Variants in KSR2 observed in about 807,000 individuals in gnomAD.
KSR2 encodes the protein kinase suppressor of ras 2.
KSR2 carries 25 observed loss-of-function variants against 107.8 expected under a neutral mutation model. The ratio of observed to expected loss-of-function variants is 0.23; its 90% CI spans 0.17 to 0.32. KSR2 has a LOEUF of 0.32. Ranked by LOEUF, KSR2 falls within the 10% of genes least tolerant of loss-of-function variation. The probability of loss-of-function intolerance (pLI) is 1.00; values close to 1 mark genes in which losing one functional copy is unlikely to be tolerated. For synonymous variants in KSR2, 480 were observed against 507.0 expected (o/e 0.95, Z 0.71); for missense variants, 887 against 1,268.9 (o/e 0.70, Z 4.57).
rs754095633 is a variant in KSR2, at chr12:117,479,536, G to A, written c.2451-2941C>T. On this transcript the variant is annotated intron_variant, in intron 16 of 19. Transcript: ENST00000339824. ...CCCTGGCCTCTACTCATTACAGGCC[G>A]TTAGCACCCCCCTCCCCCTAATCAT... 5.3e-5 allele frequency among the ~76,000 whole-genome samples: 8 copies of A among 152,130 alleles called. No individual in the cohort carries two copies. In the South Asian group the frequency reaches 6.2e-4, roughly 12 times the overall value.
At chr12:117,482,570 T>C (rs1373242068) in intron 16 of KSR2, among the ~76,000 whole-genome samples, 2 of 152,154 alleles carry the variant, frequency 1.3e-5, no homozygotes, top group Non-Finnish European at 2.9e-5. Flanking sequence ...GAGGGGCTGC[T>C]CTCTGGACAA....
chr12:117,553,140 A>C (rs1325636494), intron 9 of KSR2, among the ~76,000 whole-genome samples: 1 of 152,258 alleles, frequency 6.6e-6, no homozygotes, highest in Non-Finnish European at 1.5e-5. Context: ...TAATAAGCAA[A>C]GGAAGCCCTG....
intron 4 of KSR2, among the ~76,000 whole-genome samples, chr12:117,670,040 G>A (rs562226428): frequency 4.6e-5 from 7 of 152,040 alleles, no homozygotes; most frequent in Middle Eastern, 6.8e-3. Context: ...ATTAGGAGGC[G>A]AAATTATTCC....
intron 7 of KSR2, among the ~76,000 whole-genome samples, chr12:117,572,668 A>G (rs571615833): frequency 3.3e-5 from 5 of 150,924 alleles, no homozygotes; most frequent in African/African-American, 9.7e-5. Context: ...GTTTTGGAAG[A>G]TGTTCCCCTC....
intron 10 of KSR2, chr12:117,539,473 A>C: frequency 2.2e-6 from 1 of 451,082 alleles, no homozygotes; most frequent in Non-Finnish European, 3.8e-6. Flanking sequence ...CTGTTTCTTC[A>C]TCTGTAAAAT....
chr12:117,499,163 A>G (rs1044228415), intron 14 of KSR2, among the ~76,000 whole-genome samples: 1 of 152,234 alleles, frequency 6.6e-6, no homozygotes, highest in East Asian at 1.9e-4. Flanking sequence ...TTGACTCACC[A>G]GAACCACACT....
intron 10 of KSR2, among the ~76,000 whole-genome samples, chr12:117,532,119 T>C (rs2084551084): frequency 1.3e-5 from 2 of 152,240 alleles, no homozygotes; most frequent in African/African-American, 4.8e-5. Flanking sequence ...ACTTTCCTAA[T>C]TTTCTGCAAC....
intron 4 of KSR2, among the ~76,000 whole-genome samples, chr12:117,674,796 CTCT>C (rs2136512182): frequency 6.6e-6 from 1 of 152,338 alleles, no homozygotes; most frequent in African/African-American, 2.4e-5. Flanking sequence ...CATGTCACTC[CTCT>C]TCTTAAAACC....
At chr12:117,493,622 G>C (rs1202655928) in intron 14 of KSR2, among the ~76,000 whole-genome samples, 1 of 152,156 alleles carries the variant, frequency 6.6e-6, no homozygotes, top group Non-Finnish European at 1.5e-5. Context: ...GGTTGTAATT[G>C]AACAGGTGTT....
At chr12:117,511,423 A>C (rs1283327018) in intron 14 of KSR2, among the ~76,000 whole-genome samples, 2 of 126,962 alleles carry the variant, frequency 1.6e-5, no homozygotes, top group Non-Finnish European at 3.7e-5. Flanking sequence ...AAGAATAACC[A>C]AACAAAGATT....
intron 4 of KSR2, among the ~76,000 whole-genome samples, chr12:117,723,092 A>T (rs745943971): frequency 1.3e-4 from 20 of 152,152 alleles, no homozygotes; most frequent in Non-Finnish European, 2.6e-4. Flanking sequence ...AGGGGAGGTT[A>T]TCAGGATGAC....
rs1894900342 is a variant in KSR2, at chr12:117,907,770, T to G, written c.181-47339A>C. Among the ~76,000 whole-genome samples the G allele has an allele frequency of 6.6e-6, 1 of 152,168 alleles. No individual in the cohort carries two copies. Among genetic ancestry groups the G allele is most frequent in the Non-Finnish European group, 1.5e-5 (1 of 68,030 alleles). On this transcript the variant is annotated intron_variant, in intron 1 of 19. Coordinates refer to ENST00000339824, the MANE Select transcript of KSR2 (RefSeq NM_173598.6). This position sits in a 1 kb window ranked among gnomAD's most constrained non-coding sequence, Gnocchi z 4.3. ...GGGGCAATTGTAACCACGTCAATTT[T>G]TTTAGGTTTTTTTTTTCTTTTTTCT...
At position 117,460,680 on chromosome 12, in the gene KSR2, A is replaced by T. The variant is rs899780930; in HGVS notation, c.*6519T>A. On this transcript the variant is annotated 3_prime_UTR_variant, in exon 20 of 20. Transcript: ENST00000339824. ...CAGAGGCTGGGATTGTAACATCCCC[A>T]TGAGCAGCTGGACATGAACCCCTTG... 1.3e-5 allele frequency: 2 copies of T among 152,170 alleles called. No homozygotes were observed. The highest frequency in any genetic ancestry group is 4.8e-5 in the African/African-American group (2 of 41,426). The allele number at this position is 152,170 out of a possible 1,614,324, so 9.4% of individuals were successfully genotyped here. A position where few individuals can be genotyped will look rare whatever the true frequency, so the allele number is the denominator to read the frequency against.
intron 1 of KSR2, among the ~76,000 whole-genome samples, chr12:117,870,013 G>A (rs1893598903): frequency 6.6e-6 from 1 of 152,190 alleles, no homozygotes; most frequent in Non-Finnish European, 1.5e-5. Flanking sequence ...GAGATCCACA[G>A]AGCTATTGAA....
chr12:117,563,755 G>A (rs535993446), intron 7 of KSR2, among the ~76,000 whole-genome samples: 26 of 152,204 alleles, frequency 1.7e-4, no homozygotes, highest in Non-Finnish European at 2.4e-4. Context: ...ATAGGTGGGC[G>A]TTGGTTGATG....
intron 1 of KSR2, among the ~76,000 whole-genome samples, chr12:117,952,155 T>TCACA (rs112314585): frequency 0.33 from 49,188 of 147,124 alleles, 8,408 homozygotes; most frequent in Middle Eastern, 0.42. Flanking sequence ...AATGTTCTCA[T>TCACA]CACACACACA....
At chr12:117,967,061 C>T (rs1465429179) in intron 1 of KSR2, among the ~76,000 whole-genome samples, 1 of 152,148 alleles carries the variant, frequency 6.6e-6, no homozygotes, top group Admixed American at 6.5e-5. Context: ...TGAGCTGAAC[C>T]CTTCAAACAT....
intron 1 of KSR2, among the ~76,000 whole-genome samples, chr12:117,892,285 C>A (rs1211329351): frequency 6.6e-6 from 1 of 152,176 alleles, no homozygotes; most frequent in African/African-American, 2.4e-5. Flanking sequence ...GTCTGGGCAA[C>A]AAGAGCAAGA....
At chr12:117,522,472 T>C (rs1874820871) in intron 14 of KSR2, among the ~76,000 whole-genome samples, 1 of 152,092 alleles carries the variant, frequency 6.6e-6, no homozygotes, top group Admixed American at 6.6e-5. Context: ...GGCTATTGAC[T>C]GCTGCTAAAA....
Sources: allele counts gnomAD v4.1 joint callset (sites outside exome capture counted in the v4.1 genomes callset), GRCh38; gene constraint gnomAD v4.1.1; non-coding constraint Gnocchi (gnomAD v3.1); transcripts MANE v1.5; gene names NCBI Gene and HGNC (gene_info 2026-07-23, HGNC 2026-07-21).